The following GTF2E1 variants were observed in gnomAD, a reference collection of about 807,000 sequenced individuals.
GTF2E1 encodes the protein general transcription factor IIE subunit 1, also known as TFIIE alpha subunit.
A neutral mutation model predicts 34.9 loss-of-function variants in GTF2E1; 14 were observed. The observed-to-expected ratio is 0.40, with a 90% CI of 0.27 to 0.63. GTF2E1 has a LOEUF of 0.63. Among genes scored for constraint, GTF2E1 ranks in the 20% least tolerant of loss-of-function variants. The probability of loss-of-function intolerance (pLI) is 0.39; values close to 1 mark genes in which losing one functional copy is unlikely to be tolerated. For synonymous variants in GTF2E1, 188 were observed against 192.9 expected (o/e 0.97, Z 0.21); for missense variants, 469 against 557.7 (o/e 0.84, Z 1.60).
intron 4 of GTF2E1, among the ~76,000 whole-genome samples, chr3:120,777,364 G>A (rs1345726915): frequency 6.6e-6 from 1 of 152,168 alleles, no homozygotes; most frequent in Non-Finnish European, 1.5e-5. Flanking sequence ...AAGCTGGAAA[G>A]TAGAGAGGAA....
chr3:120,762,759 A>G (rs533346586), intron 2 of GTF2E1, among the ~76,000 whole-genome samples: 59 of 152,268 alleles, frequency 3.9e-4, no homozygotes, highest in African/African-American at 1.4e-3. Context: ...CCTTGGGCAA[A>G]TCCTGTAACC....
chr3:120,768,011 T>A (rs998571258), intron 2 of GTF2E1, among the ~76,000 whole-genome samples: 2 of 152,202 alleles, frequency 1.3e-5, no homozygotes, highest in African/African-American at 4.8e-5. Context: ...CATGTTGATT[T>A]GTTTACTTAA....
At chr3:120,749,687 A>G (rs1709145501) in intron 1 of GTF2E1, 1 of 152,154 alleles carries the variant, frequency 6.6e-6, no homozygotes, top group South Asian at 2.1e-4. Context: ...TTTTGCATCA[A>G]TGTTCATCAA....
intron 4 of GTF2E1, 56 bp downstream of exon 4, chr3:120,776,720 T>C (rs1021212572): frequency 1.3e-6 from 2 of 1,510,406 alleles, no homozygotes; most frequent in Non-Finnish European, 1.8e-6. Flanking sequence ...AACATGAACT[T>C]GGCTTAGTGG....
chr3:120,771,427 A>G (rs566186927), intron 3 of GTF2E1, among the ~76,000 whole-genome samples: 6 of 152,126 alleles, frequency 3.9e-5, no homozygotes, highest in South Asian at 2.1e-4. Context: ...GTGGCTCCCT[A>G]TTTTTATCAG....
At position 120,781,049 on chromosome 3, in the gene GTF2E1, T is replaced by C; in HGVS notation, c.899T>C (p.Ile300Thr). 6.2e-7 allele frequency: 1 copy of C among 1,605,774 alleles called. No homozygotes were observed. The highest frequency in any genetic ancestry group is 8.5e-7 in the Non-Finnish European group (1 of 1,173,796). ...TCTGAGTTTTACTCCCCAGGGGGCATAGATATGGACGCATTTCAGGAGCGT... is the reference window on the plus strand; with the variant it reads ...TCTGAGTTTTACTCCCCAGGGGGCACAGATATGGACGCATTTCAGGAGCGT... ...YGSEDMKEGG[I>T]DMDAFQEREE... Residue 300 changes from isoleucine (I) to threonine (T), a missense_variant, in exon 5 of 5, where the codon ATA (isoleucine) becomes ACA (threonine). Ile to Thr is a moderately conservative substitution (Grantham distance 89, BLOSUM62 -1). Transcript: ENST00000283875.
At chr3:120,757,100 G>A (rs543342681) in intron 2 of GTF2E1, among the ~76,000 whole-genome samples, 1 of 152,286 alleles carries the variant, frequency 6.6e-6, no homozygotes, top group South Asian at 2.1e-4. Context: ...GTTGAGATGA[G>A]TTTGGTTCTG....
intron 2 of GTF2E1, among the ~76,000 whole-genome samples, chr3:120,757,921 G>A (rs1346510518): frequency 6.6e-6 from 1 of 152,190 alleles, no homozygotes; most frequent in Non-Finnish European, 1.5e-5. Flanking sequence ...CCAGCACTTT[G>A]GGAGGCCGAG....
chr3:120,764,740 G>A (rs764229270), intron 2 of GTF2E1, among the ~76,000 whole-genome samples: 3 of 152,098 alleles, frequency 2.0e-5, no homozygotes, highest in Non-Finnish European at 4.4e-5. Context: ...GCACGTACTT[G>A]TCAAACTCAA....
At chr3:120,776,367 C>T in intron 3 of GTF2E1, 56 bp from the exon 4 acceptor site, 3 of 1,525,462 alleles carry the variant, frequency 2.0e-6, no homozygotes, top group Non-Finnish European at 1.8e-6. Context: ...CCTTCTTTTC[C>T]AACACCAAGA....
intron 1 of GTF2E1, among the ~76,000 whole-genome samples, chr3:120,746,209 T>C (rs1279524145): frequency 1.3e-5 from 2 of 152,234 alleles, no homozygotes; most frequent in African/African-American, 4.8e-5. Context: ...ATAAAAGGGT[T>C]AGTTGAAACT....
At chr3:120,775,120 A>G (rs1709388043) in intron 3 of GTF2E1, among the ~76,000 whole-genome samples, 1 of 152,164 alleles carries the variant, frequency 6.6e-6, no homozygotes, top group African/African-American at 2.4e-5. Flanking sequence ...AGAAAACCCC[A>G]GTAGATAAGA....
chr3:120,777,700 T>C (rs1301107291), intron 4 of GTF2E1, among the ~76,000 whole-genome samples: 3 of 152,230 alleles, frequency 2.0e-5, no homozygotes, highest in Admixed American at 1.3e-4. Context: ...AACCATACTT[T>C]ACCCTCCTTC....
intron 1 of GTF2E1, among the ~76,000 whole-genome samples, chr3:120,747,102 T>TA (rs1488326493): frequency 1.2e-4 from 18 of 152,110 alleles, no homozygotes; most frequent in Admixed American, 1.0e-3. Context: ...TGTTTTGTTT[T>TA]TTTGTTTTGT....
intron 2 of GTF2E1, among the ~76,000 whole-genome samples, chr3:120,758,494 C>CCTATGTATGT (rs1200107106): frequency 6.6e-6 from 1 of 152,074 alleles, no homozygotes; most frequent in Non-Finnish European, 1.5e-5. Context: ...CATAGGTATA[C>CCTATGTATGT]ATGTGCCATG....
At chr3:120,764,130 C>A (rs1709287635) in intron 2 of GTF2E1, among the ~76,000 whole-genome samples, 1 of 152,136 alleles carries the variant, frequency 6.6e-6, no homozygotes, top group Admixed American at 6.6e-5. Flanking sequence ...ATGAGAGAGG[C>A]CTACCCTGAG....
At chr3:120,760,203 G>A (rs1709247786) in intron 2 of GTF2E1, among the ~76,000 whole-genome samples, 2 of 152,134 alleles carry the variant, frequency 1.3e-5, no homozygotes, top group South Asian at 4.1e-4. Flanking sequence ...AATTGTGAAT[G>A]GGAGTTCACT....
At chr3:120,758,621 T>G (rs1429232219) in intron 2 of GTF2E1, among the ~76,000 whole-genome samples, 1 of 152,018 alleles carries the variant, frequency 6.6e-6, no homozygotes, top group Non-Finnish European at 1.5e-5. Flanking sequence ...CTGCCTTGTG[T>G]CCATGTGTTC....
At chr3:120,745,452 C>G (rs1476043078) in intron 1 of GTF2E1, among the ~76,000 whole-genome samples, 1 of 152,088 alleles carries the variant, frequency 6.6e-6, no homozygotes, top group African/African-American at 2.4e-5. Flanking sequence ...ATAATAGGGA[C>G]TTTTGCTGCA....
Sources: gnomAD v4.1 joint callset for allele counts (sites outside exome capture counted in the v4.1 genomes callset) on GRCh38, gnomAD v4.1.1 for gene constraint, MANE v1.5 for transcripts, NCBI Gene and HGNC (gene_info 2026-07-23, HGNC 2026-07-21) for gene names.